RSPO2: variants seen among roughly 807,000 people sequenced by gnomAD.
RSPO2 encodes R-spondin 2.
A neutral mutation model predicts 30.9 loss-of-function variants in RSPO2; 14 were observed. That is an observed-to-expected ratio of 0.45 (90% confidence interval 0.30 to 0.71). The LOEUF is 0.71. Among genes scored for constraint, RSPO2 ranks in the 30% least tolerant of loss-of-function variants. The pLI is 0.08. For missense variants in RSPO2, 264 were observed against 301.9 expected, an observed-to-expected ratio of 0.87 and a Z score of 0.93; for synonymous variants, 107 against 96.4, an observed-to-expected ratio of 1.11 and a Z score of -0.64.
intron 3 of RSPO2, among the ~76,000 whole-genome samples, chr8:107,988,709 C>A (rs979277900): frequency 4.6e-5 from 7 of 152,080 alleles, no homozygotes; most frequent in African/African-American, 1.7e-4. Context: ...CTCACTGCAA[C>A]CTCCGCCTCC....
In RSPO2 at chr8:108,030,017, T is replaced by C. The variant is rs139247447; in HGVS notation, c.95-40773A>G. On this transcript the variant is annotated intron_variant, in intron 2 of 5. Transcript: ENST00000276659. Reference sequence around the variant, plus strand: ...CCAGAGTTCAAACATTTTTTTTAAATAACAGAAATGACCCTCTCCTTTTGT... The same window carrying C: ...CCAGAGTTCAAACATTTTTTTTAAACAACAGAAATGACCCTCTCCTTTTGT... Among the ~76,000 whole-genome samples, 75 of 145,678 alleles carry C rather than the reference T, an allele frequency of 5.1e-4. 1 individual carries two copies. The East Asian group carries it at 0.015, about 30-fold the overall frequency.
intron 5 of RSPO2, among the ~76,000 whole-genome samples, chr8:107,932,341 G>A (rs1288032084): frequency 6.6e-6 from 1 of 152,140 alleles, no homozygotes; most frequent in Non-Finnish European, 1.5e-5. Flanking sequence ...GTGACTTCTA[G>A]GTTGTGGCTA....
intron 2 of RSPO2, among the ~76,000 whole-genome samples, chr8:108,029,023 A>G (rs1811319275): frequency 1.5e-5 from 2 of 132,440 alleles, no homozygotes; most frequent in Non-Finnish European, 3.1e-5. Context: ...TTACTAGAGC[A>G]GGGTAAACTT....
At chr8:107,940,108 T>C (rs1812851616) in intron 5 of RSPO2, among the ~76,000 whole-genome samples, 1 of 152,240 alleles carries the variant, frequency 6.6e-6, no homozygotes, top group Non-Finnish European at 1.5e-5. Context: ...AAGTTCTGCC[T>C]TTGCCACTGA....
chr8:107,938,301 T>C (rs1362935624), intron 5 of RSPO2, among the ~76,000 whole-genome samples: 1 of 152,156 alleles, frequency 6.6e-6, no homozygotes, highest in East Asian at 1.9e-4. Context: ...TATCCACCTT[T>C]TCCCAGGCAA....
chr8:108,079,253 A>G (rs1039033556), intron 2 of RSPO2, among the ~76,000 whole-genome samples: 1 of 152,172 alleles, frequency 6.6e-6, no homozygotes, highest in Non-Finnish European at 1.5e-5. Context: ...AAAGATATTC[A>G]TTGTCAGTAT....
At chr8:107,990,791 TG>T (rs1338934282) in intron 2 of RSPO2, among the ~76,000 whole-genome samples, 2 of 152,202 alleles carry the variant, frequency 1.3e-5, no homozygotes, top group African/African-American at 4.8e-5. Context: ...TCATGCTACC[TG>T]ACTTCAAACT....
intron 5 of RSPO2, among the ~76,000 whole-genome samples, chr8:107,956,482 TA>T (rs1426957154): frequency 1.3e-5 from 2 of 152,330 alleles, no homozygotes; most frequent in East Asian, 3.9e-4. Context: ...ACTAAGACAG[TA>T]TGTTGTTGTT....
chr8:108,009,909 TGTGGTGGCACACGCTTGTAGTCCCA>T (rs1810643555), intron 2 of RSPO2, among the ~76,000 whole-genome samples: 1 of 151,064 alleles, frequency 6.6e-6, no homozygotes, highest in Non-Finnish European at 1.5e-5. Flanking sequence ...ATTAGTCAAG[TGTGGTGGCACACGCTTGTAGTCCCA>T]GCTACTTGCG....
Position 107,899,431 on chromosome 8 carries a change from T to G in RSPO2, c.*1644A>C. On this transcript the variant is annotated 3_prime_UTR_variant, in exon 6 of 6. Transcript: ENST00000276659. ...CCTCCCCACTTAGTAAATGGGAAAA[T>G]AGTGTAAATAGACATGAAAGGAGGT... 1 of 151,150 alleles carries G rather than the reference T, an allele frequency of 6.6e-6. No homozygotes were observed. The highest frequency in any genetic ancestry group is 1.5e-5 in the Non-Finnish European group (1 of 67,070). 9.4% of individuals were successfully genotyped at this position (151,150 alleles called of 1,614,324 possible).
chr8:108,077,952 G>A (rs919890339), intron 2 of RSPO2, among the ~76,000 whole-genome samples: 3 of 152,098 alleles, frequency 2.0e-5, no homozygotes, highest in East Asian at 1.9e-4. Context: ...TCCTGGACTT[G>A]GGATGGATAA....
chr8:107,931,618 C>T (rs768229501), intron 5 of RSPO2, among the ~76,000 whole-genome samples: 2 of 152,236 alleles, frequency 1.3e-5, no homozygotes, highest in South Asian at 2.1e-4. Context: ...AAACAACCAA[C>T]GGATGTAAGT....
intron 2 of RSPO2, among the ~76,000 whole-genome samples, chr8:108,020,245 C>T (rs1400911750): frequency 4.6e-5 from 7 of 152,066 alleles, no homozygotes; most frequent in Non-Finnish European, 8.8e-5. Flanking sequence ...AAGTATCTTT[C>T]ACTCTGTTCT....
chr8:108,024,435 T>TA (rs557656370), intron 2 of RSPO2, among the ~76,000 whole-genome samples: 4,599 of 141,284 alleles, frequency 0.033, 215 homozygotes, highest in African/African-American at 0.11. Flanking sequence ...TACTGTTAAG[T>TA]AAAAAAAAAA....
Position 107,911,125 on chromosome 8 carries a change from G to T in RSPO2, c.617-9935C>A, listed in dbSNP as rs555969015. Reference sequence around the variant, plus strand: ...TTCCTAGGCTCCCCCACGGCTTCTGGCCTCAACTTCAGCTTTGTACATGGT... The same window carrying T: ...TTCCTAGGCTCCCCCACGGCTTCTGTCCTCAACTTCAGCTTTGTACATGGT... On this transcript the variant is annotated intron_variant, in intron 5 of 5. Transcript: ENST00000276659. 3.3e-5 allele frequency among the ~76,000 whole-genome samples: 5 copies of T among 152,220 alleles called. No individual in the cohort carries two copies. In the East Asian group the frequency reaches 9.7e-4, roughly 29 times the overall value.
chr8:108,082,477 G>A, intron 2 of RSPO2, 68 bp downstream of exon 2: 1 of 1,226,064 alleles, frequency 8.2e-7, no homozygotes, highest in Admixed American at 1.7e-5. Context: ...CGGAGCCAGG[G>A]CGTGAGTGAG....
At chr8:107,961,849 T>C (rs546556642) in intron 3 of RSPO2, among the ~76,000 whole-genome samples, 1 of 152,170 alleles carries the variant, frequency 6.6e-6, no homozygotes, top group Non-Finnish European at 1.5e-5. Context: ...CAATAAGGTA[T>C]AAAAAGAAGC....
At chr8:107,904,108 T>C (rs1456683479) in intron 5 of RSPO2, among the ~76,000 whole-genome samples, 1 of 152,080 alleles carries the variant, frequency 6.6e-6, no homozygotes, top group Non-Finnish European at 1.5e-5. Flanking sequence ...AAATAAGTTA[T>C]AATAGACATA....
intron 2 of RSPO2, among the ~76,000 whole-genome samples, chr8:108,059,772 C>T (rs1459916006): frequency 6.8e-6 from 1 of 146,552 alleles, no homozygotes; most frequent in Admixed American, 7.1e-5. Context: ...AAACACCACA[C>T]ATTCTCATTC....
Sources: allele counts gnomAD v4.1 joint callset (sites outside exome capture counted in the v4.1 genomes callset), GRCh38; gene constraint gnomAD v4.1.1; transcripts MANE v1.5; gene names NCBI Gene and HGNC (gene_info 2026-07-23, HGNC 2026-07-21).